The following NRCAM variants were observed in gnomAD, a reference collection of about 807,000 sequenced individuals.
NRCAM encodes the protein neuronal cell adhesion molecule.
A neutral mutation model predicts 156.5 loss-of-function variants in NRCAM; 83 were observed. The ratio of observed to expected loss-of-function variants is 0.53; its 90% CI spans 0.44 to 0.64. NRCAM has a LOEUF of 0.64. Ranked by LOEUF, NRCAM falls within the 30% of genes least tolerant of loss-of-function variation. The pLI, the probability that NRCAM is intolerant of heterozygous loss-of-function variation, is 0.00. For missense variants in NRCAM, 1,417 were observed against 1,597.3 expected (o/e 0.89, Z 1.92); for synonymous variants, 538 against 563.9 (o/e 0.95, Z 0.65).
intron 2 of NRCAM, among the ~76,000 whole-genome samples, chr7:108,332,475 C>A (rs2099136682): frequency 6.6e-6 from 1 of 152,096 alleles, no homozygotes; most frequent in Admixed American, 6.5e-5. Context: ...GCTTCTCTTC[C>A]CTTCAATCAC....
At chr7:108,446,474 A>T (rs1429691440) in intron 1 of NRCAM, among the ~76,000 whole-genome samples, 1 of 152,124 alleles carries the variant, frequency 6.6e-6, no homozygotes, top group Non-Finnish European at 1.5e-5. Context: ...TCATTTATCA[A>T]ATTTGGGGGC....
intron 30 of NRCAM, among the ~76,000 whole-genome samples, chr7:108,162,814 C>T (rs1585485505): frequency 6.6e-6 from 1 of 152,362 alleles, no homozygotes; most frequent in East Asian, 1.9e-4. Context: ...CACACACACA[C>T]AAGTACACCA....
rs144397682 is a variant in NRCAM at position 108,320,111 on chromosome 7, AATT to A, written c.-173-7383_-173-7381del. Among the ~76,000 whole-genome samples, 900 of 152,282 alleles carry A rather than the reference AATT, an allele frequency of 5.9e-3. 10 individuals are homozygous for A. Among genetic ancestry groups the A allele is most frequent in the African/African-American group, 0.021 (852 of 41,556 alleles). On this transcript the variant is annotated intron_variant, in intron 2 of 32. Transcript: ENST00000379028. ...ACCAAAGATTTATCATAAGATAAAAAATTATTAACAGCACTCCAATTTTTAATT... is the reference window on the plus strand; with the variant it reads ...ACCAAAGATTTATCATAAGATAAAAAATTAACAGCACTCCAATTTTTAATT...
At chr7:108,443,712 G>GA (rs35975727) in intron 1 of NRCAM, among the ~76,000 whole-genome samples, 1 of 152,058 alleles carries the variant, frequency 6.6e-6, no homozygotes. Context: ...GATTATAATC[G>GA]AAAAAGGTAA....
chr7:108,346,141 ATGACTG>A (rs1440229193), intron 2 of NRCAM, among the ~76,000 whole-genome samples: 18 of 152,316 alleles, frequency 1.2e-4, no homozygotes, highest in African/African-American at 4.3e-4. Flanking sequence ...CGAGGAGACA[ATGACTG>A]TGGGATTTAC....
intron 32 of NRCAM, among the ~76,000 whole-genome samples, chr7:108,153,646 C>T (rs1298708302): frequency 1.3e-5 from 2 of 151,994 alleles, no homozygotes; most frequent in South Asian, 2.1e-4. Context: ...TGAAAGGAAG[C>T]TATCATTATT....
Position 108,170,606 on chromosome 7 carries a change from G to A in NRCAM, c.3188-2204C>T, listed in dbSNP as rs776137941. Among the ~76,000 whole-genome samples, 3 of 152,168 alleles carry A rather than the reference G, an allele frequency of 2.0e-5. No homozygotes were observed. The East Asian group carries it at 5.8e-4, about 29-fold the overall frequency. The stretch of plus-strand genomic sequence containing the variant: ...CCAAACCAATGTTCATCTCACATGT[G>A]TTGATTGATGTGTCATAACTCCCTA... On this transcript the variant is annotated intron_variant, in intron 28 of 32. Transcript: ENST00000379028.
chr7:108,208,880 C>G (rs2082538775), intron 12 of NRCAM, among the ~76,000 whole-genome samples: 1 of 152,138 alleles, frequency 6.6e-6, no homozygotes, highest in African/African-American at 2.4e-5. Flanking sequence ...TTGGTTAAGA[C>G]AGTGTCTGCC....
intron 1 of NRCAM, among the ~76,000 whole-genome samples, chr7:108,422,775 T>C (rs1357013588): frequency 1.3e-5 from 2 of 152,138 alleles, no homozygotes; most frequent in African/African-American, 2.4e-5. Flanking sequence ...TCTAAATATA[T>C]AAAAGAGGCC....
chr7:108,452,237 G>A (rs1169002244), intron 1 of NRCAM, among the ~76,000 whole-genome samples: 1 of 152,200 alleles, frequency 6.6e-6, no homozygotes, highest in Non-Finnish European at 1.5e-5. Context: ...GGGAATTGGG[G>A]AGATGAGATG....
At chr7:108,266,873 G>C (rs1297911754) in intron 3 of NRCAM, among the ~76,000 whole-genome samples, 1 of 150,888 alleles carries the variant, frequency 6.6e-6, no homozygotes, top group African/African-American at 2.4e-5. Flanking sequence ...GGACATTCCT[G>C]TCAGTAAGAA....
chr7:108,236,842 G>T (rs1008725526), intron 5 of NRCAM, among the ~76,000 whole-genome samples: 2 of 152,032 alleles, frequency 1.3e-5, no homozygotes, highest in Non-Finnish European at 2.9e-5. Context: ...TGGGGGAGGG[G>T]ATTCTTAGGA....
At chr7:108,399,825 T>C (rs1209390015) in intron 1 of NRCAM, among the ~76,000 whole-genome samples, 1 of 152,160 alleles carries the variant, frequency 6.6e-6, no homozygotes, top group Non-Finnish European at 1.5e-5. Context: ...TAATTCCAAT[T>C]ACATTGCAGT....
intron 15 of NRCAM, 111 bp from the exon 16 acceptor site, chr7:108,194,539 A>G (rs573322587): frequency 2.4e-4 from 166 of 699,956 alleles, no homozygotes; most frequent in Non-Finnish European, 3.6e-4. Flanking sequence ...GAAAGTTGCA[A>G]GGCTAGAAGG....
intron 28 of NRCAM, among the ~76,000 whole-genome samples, chr7:108,174,950 C>A (rs1034300844): frequency 1.3e-5 from 2 of 152,234 alleles, no homozygotes; most frequent in African/African-American, 4.8e-5. Context: ...GATCTGATTT[C>A]TACCAGGCTG....
intron 3 of NRCAM, among the ~76,000 whole-genome samples, chr7:108,251,199 A>G (rs1401337404): frequency 6.6e-6 from 1 of 152,204 alleles, no homozygotes; most frequent in Non-Finnish European, 1.5e-5. Context: ...ATGGGGAGTA[A>G]GAAAAAAGTG....
At chr7:108,275,886 C>T (rs2097577907) in intron 3 of NRCAM, among the ~76,000 whole-genome samples, 1 of 151,976 alleles carries the variant, frequency 6.6e-6, no homozygotes, top group Non-Finnish European at 1.5e-5. Context: ...TATAAATTTC[C>T]CTCTACACAC....
At chr7:108,305,201 A>C (rs2098697364) in intron 3 of NRCAM, among the ~76,000 whole-genome samples, 1 of 152,210 alleles carries the variant, frequency 6.6e-6, no homozygotes, top group Non-Finnish European at 1.5e-5. Flanking sequence ...TATCCCAGTC[A>C]AATAACTTAT....
intron 2 of NRCAM, among the ~76,000 whole-genome samples, chr7:108,362,058 T>C (rs2099555746): frequency 6.6e-6 from 1 of 152,192 alleles, no homozygotes; most frequent in Non-Finnish European, 1.5e-5. Context: ...GCAACCCAGA[T>C]GTCTTTTAAT....
Sources: gnomAD v4.1 joint callset for allele counts (sites outside exome capture counted in the v4.1 genomes callset) on GRCh38, gnomAD v4.1.1 for gene constraint, MANE v1.5 for transcripts, NCBI Gene and HGNC (gene_info 2026-07-23, HGNC 2026-07-21) for gene names.